SQSTM1: variants seen among roughly 807,000 people sequenced by gnomAD.
The protein encoded by SQSTM1 is sequestosome 1.
Under a neutral mutation model 45.1 loss-of-function variants are expected in SQSTM1, and 36 were observed. That is an observed-to-expected ratio of 0.80 (90% CI 0.61 to 1.05). The LOEUF is 1.05. Among genes scored for constraint, SQSTM1 ranks in the 50% least tolerant of loss-of-function variants. The pLI, the probability that SQSTM1 is intolerant of heterozygous loss-of-function variation, is 0.00. For missense variants in SQSTM1, 617 were observed against 607.1 expected, an observed-to-expected ratio of 1.02 and a Z score of -0.17; for synonymous variants, 290 against 244.3, an observed-to-expected ratio of 1.19 and a Z score of -1.74.
At chr5:179,827,152 G>A (rs1345056244) in intron 5 of SQSTM1, among the ~76,000 whole-genome samples, 2 of 152,196 alleles carry the variant, frequency 1.3e-5, no homozygotes, top group Non-Finnish European at 2.9e-5. Flanking sequence ...ATCCTGGTGA[G>A]TGAGTGTTGG....
In SQSTM1 at chr5:179,821,060, G is replaced by C; in HGVS notation, c.124G>C (p.Gly42Arg). Residue 42 changes from glycine to arginine, a missense_variant, in exon 1 of 8, where the codon GGA (glycine) becomes CGA (arginine). Physicochemically the swap from Gly to Arg is moderately radical, Grantham distance 125 (BLOSUM62 -2). Transcript: ENST00000389805. Reference sequence around the variant, plus strand: ...GGAAGCCGAGGCTGCGGCGGGTCCGGGACCCTGCGAGCGGCTGCTGAGCCG... The same window carrying C: ...GGAAGCCGAGGCTGCGGCGGGTCCGCGACCCTGCGAGCGGCTGCTGAGCCG... Reference protein sequence around the residue: ...EAEAEAAAGPGPCERLLSRVA... With the variant: ...EAEAEAAAGPRPCERLLSRVA... The C allele has an allele frequency of 6.7e-7, 1 of 1,502,808 alleles. No homozygotes were observed. Among genetic ancestry groups the C allele is most frequent in the Non-Finnish European group, 8.8e-7 (1 of 1,131,152 alleles). The allele number at this position is 1,502,808 out of a possible 1,614,324, so 93.1% of individuals were successfully genotyped here. A position where few individuals can be genotyped will look rare whatever the true frequency, so the allele number is the denominator to read the frequency against.
chr5:179,816,181 T>C (rs1350291859), upstream of SQSTM1, among the ~76,000 whole-genome samples: 1 of 152,152 alleles, frequency 6.6e-6, no homozygotes, highest in Non-Finnish European at 1.5e-5. Context: ...TTTTGTTTTG[T>C]TGAGGCACCA....
upstream of SQSTM1, chr5:179,820,307 A>G (rs1309351689): frequency 6.6e-6 from 1 of 152,400 alleles, no homozygotes; most frequent in Non-Finnish European, 1.5e-5. Flanking sequence ...TAAACTGGGA[A>G]CTTCTCTGGT....
At chr5:179,832,983 G>T (rs1758306125) in intron 5 of SQSTM1, 49 bp from the exon 6 acceptor site, 1 of 1,593,754 alleles carries the variant, frequency 6.3e-7, no homozygotes, top group Non-Finnish European at 8.6e-7. Context: ...GCTTGCAGGT[G>T]CATCCTTGGG....
upstream of SQSTM1, among the ~76,000 whole-genome samples, chr5:179,819,715 CG>C (rs925949110): frequency 1.7e-4 from 26 of 152,312 alleles, no homozygotes; most frequent in African/African-American, 6.3e-4. Context: ...TCTCCACCGC[CG>C]GATGCAGGGA....
intron 1 of SQSTM1, among the ~76,000 whole-genome samples, chr5:179,811,348 AG>A (rs1189600736): frequency 3.2e-5 from 3 of 93,432 alleles, no homozygotes; most frequent in Admixed American, 1.4e-4. Flanking sequence ...GGAGCTATGC[AG>A]GGGGAGGAGC....
intron 7 of SQSTM1, among the ~76,000 whole-genome samples, chr5:179,834,944 C>T (rs1291069626): frequency 5.9e-5 from 9 of 152,120 alleles, no homozygotes; most frequent in Admixed American, 2.0e-4. Flanking sequence ...GGGTGGTGGC[C>T]GGGCAGAGGG....
intron 4 of SQSTM1, 145 bp from the exon 5 acceptor site, chr5:179,825,001 G>C (rs1248384892): frequency 5.3e-6 from 4 of 749,160 alleles, no homozygotes; most frequent in Non-Finnish European, 9.3e-6. Flanking sequence ...AGGAAGGAGA[G>C]GGGGATGCTG....
rs1254158201 is a variant in SQSTM1, at chr5:179,836,453, A to AT, written c.1185dup (p.Glu396Ter). 3.7e-6 allele frequency: 6 copies of AT among 1,614,108 alleles called. No individual in the cohort carries two copies. The highest frequency in any genetic ancestry group is 5.1e-6 in the Non-Finnish European group (6 of 1,180,018). ...TTCGGCAGAGGCTGACCCGCGGCTG[A>AT]TTGAGTCCCTCTCCCAGATGCTGTC... is the stretch of plus-strand genomic sequence containing the variant. On this transcript the variant is annotated frameshift_variant, in exon 8 of 8. Transcript: ENST00000389805. LOFTEE classifies it high-confidence loss of function.
At chr5:179,825,338 G>T in intron 5 of SQSTM1, 112 bp downstream of exon 5, 1 of 975,000 alleles carries the variant, frequency 1.0e-6, no homozygotes. Flanking sequence ...ACACTGGTGA[G>T]GATTTGTTGC....
Position 179,833,463 on chromosome 5 carries a change from C to A in SQSTM1, c.970-124C>A, listed in dbSNP as rs1278935187. 4 of 1,105,482 alleles carry A rather than the reference C, an allele frequency of 3.6e-6. No homozygotes were observed. In the African/African-American group the frequency reaches 4.6e-5, roughly 13 times the overall value. The allele number at this position is 1,105,482 out of a possible 1,614,324, so 68.5% of individuals were successfully genotyped here. ...GTGAGTGGCCACTGTTCCCCCTAGA[C>A]CCCTGCAGCCTTAACTGCACGTGTG... On this transcript the variant is annotated intron_variant, in intron 6 of 7. Transcript: ENST00000389805.
chr5:179,814,835 C>T (rs1249485085), upstream of SQSTM1, among the ~76,000 whole-genome samples: 3 of 152,010 alleles, frequency 2.0e-5, no homozygotes, highest in East Asian at 1.9e-4. Flanking sequence ...GCGGGAGGAT[C>T]GCTTGAGCCC....
chr5:179,811,971 A>AT (rs1423127534), intron 2 of SQSTM1: 5 of 152,066 alleles, frequency 3.3e-5, no homozygotes, highest in South Asian at 4.2e-4. Flanking sequence ...CGCCCGGCTG[A>AT]TTTTTTGTAT....
intron 2 of SQSTM1, among the ~76,000 whole-genome samples, chr5:179,823,392 G>A (rs10464093): frequency 0.52 from 74,205 of 141,592 alleles, 19,352 homozygotes; most frequent in East Asian, 0.8. Flanking sequence ...TAAACCTGGA[G>A]AGCGGAGGTT....
Position 179,837,333 on chromosome 5 carries a change from A to AG in SQSTM1, c.*744dup, listed in dbSNP as rs1273220516. 6.3e-7 allele frequency: 1 copy of AG among 1,587,412 alleles called. No homozygotes were observed. The highest frequency in any genetic ancestry group is 1.4e-5 in the African/African-American group (1 of 74,014). ...TACAGAGTATCTTTAAAAGTGCCTT[A>AG]GGGGAACCCTGTCCCTCCTAACAAG... On this transcript the variant is annotated 3_prime_UTR_variant, in exon 8 of 8. Coordinates refer to ENST00000389805, the MANE Select transcript of SQSTM1 (RefSeq NM_003900.5).
intron 7 of SQSTM1, among the ~76,000 whole-genome samples, chr5:179,834,857 C>CGAA (rs1359374559): frequency 2.0e-5 from 3 of 152,240 alleles, no homozygotes; most frequent in African/African-American, 4.8e-5. Context: ...CCCACCTTTC[C>CGAA]CCGCTTTCTA....
rs971541467 is a variant in SQSTM1, at chr5:179,806,646, G to A, written c.-157+55G>A. 3.6e-5 allele frequency: 32 copies of A among 893,424 alleles called. No individual in the cohort carries two copies. Among genetic ancestry groups the A allele is most frequent in the South Asian group, 4.4e-5 (1 of 22,498 alleles). The allele number at this position is 893,424 out of a possible 1,614,324, so 55.3% of individuals were successfully genotyped here. A position where few individuals can be genotyped will look rare whatever the true frequency, so the allele number is the denominator to read the frequency against. ...CTGCATGGCCCGGGGGACCGGGGCC[G>A]GGGCGCAGGGGTCGGAAGGCGGCGG... is the stretch of plus-strand genomic sequence containing the variant. On this transcript the variant is annotated intron_variant, in intron 1 of 5. Coordinates refer to the SQSTM1 transcript ENST00000514093. The surrounding 1 kb of genome is among the most constrained non-coding windows in gnomAD (Gnocchi z 4.6).
In SQSTM1 at chr5:179,837,098, C is replaced by T. The variant is rs138055371; in HGVS notation, c.*505C>T. On this transcript the variant is annotated 3_prime_UTR_variant, in exon 8 of 8. Coordinates refer to ENST00000389805, the MANE Select transcript of SQSTM1 (RefSeq NM_003900.5). ...ACTGAGAAGGCTCACGAAGGGCATC[C>T]GCAATGTTGGTTTCACTGAGAGCTG... 1.2e-5 allele frequency: 11 copies of T among 940,088 alleles called. No homozygotes were observed. Among genetic ancestry groups the T allele is most frequent in the Non-Finnish European group, 1.5e-5 (9 of 605,520 alleles). The allele number at this position is 940,088 out of a possible 1,614,324, so 58.2% of individuals were successfully genotyped here. A position where few individuals can be genotyped will look rare whatever the true frequency, so the allele number is the denominator to read the frequency against.
Position 179,833,661 on chromosome 5 carries a change from G to A in SQSTM1, c.1044G>A (p.Pro348=), listed in dbSNP as rs10058037. 6.1e-3 allele frequency: 9,829 copies of A among 1,614,078 alleles called. 472 individuals carry two copies. The African/African-American group carries it at 0.11, about 18-fold the overall frequency. The change falls in exon 7 of 8, where the codon CCG becomes CCA. Residue 348 remains proline, a synonymous_variant. Transcript: ENST00000389805. ...WTHLSSKEVD[P]STGELQSLQM... is the part of the protein sequence containing the mutation. ...ATCTGTCTTCAAAAGAAGTGGACCC[G>A]TCTACAGGTGAACTCCAGTCCCTAC...
Sources: allele counts gnomAD v4.1 joint callset (sites outside exome capture counted in the v4.1 genomes callset), GRCh38; gene constraint gnomAD v4.1.1; non-coding constraint Gnocchi (gnomAD v3.1); transcripts MANE v1.5; gene names NCBI Gene and HGNC (gene_info 2026-07-23, HGNC 2026-07-21).